The following TMEM135 variants were observed in gnomAD, a reference collection of about 807,000 sequenced individuals.
The protein encoded by TMEM135 is peroxisomal membrane protein 52.
In TMEM135, 30 loss-of-function variants were observed where a neutral mutation model predicts 60.3. The ratio of observed to expected loss-of-function variants is 0.50; its 90% CI spans 0.37 to 0.68. TMEM135 has a LOEUF of 0.68. TMEM135 is among the 30% of genes least tolerant of loss of function. The pLI, the probability that TMEM135 is intolerant of heterozygous loss-of-function variation, is 0.00. For missense variants in TMEM135, 468 were observed against 548.8 expected (o/e 0.85, Z 1.47); for synonymous variants, 190 against 186.7 (o/e 1.02, Z -0.14).
At chr11:87,054,791 G>T (rs1949876664) in intron 1 of TMEM135, among the ~76,000 whole-genome samples, 1 of 152,006 alleles carries the variant, frequency 6.6e-6, no homozygotes, top group African/African-American at 2.4e-5. Flanking sequence ...ATACACATGG[G>T]ACAATTTTTT....
chr11:87,232,111 T>C (rs1434182657), intron 5 of TMEM135, among the ~76,000 whole-genome samples: 3 of 152,046 alleles, frequency 2.0e-5, no homozygotes, highest in Non-Finnish European at 2.9e-5. Context: ...CCATTATGAC[T>C]GACTAATTTT....
At chr11:87,247,549 C>G (rs1941312116) in intron 6 of TMEM135, among the ~76,000 whole-genome samples, 2 of 152,278 alleles carry the variant, frequency 1.3e-5, no homozygotes, top group Middle Eastern at 3.4e-3. Context: ...CTAAGCAAGC[C>G]TGGGCAATGG....
intron 10 of TMEM135, among the ~76,000 whole-genome samples, chr11:87,312,549 G>T (rs1485649240): frequency 1.3e-5 from 2 of 151,828 alleles, no homozygotes; most frequent in South Asian, 2.1e-4. Context: ...TGACCATATG[G>T]TCTCTGTCAT....
chr11:87,070,965 T>C (rs1189665994), intron 2 of TMEM135, among the ~76,000 whole-genome samples: 2 of 152,162 alleles, frequency 1.3e-5, no homozygotes, highest in Non-Finnish European at 2.9e-5. Context: ...CTGGGAAATA[T>C]CTCATATAGT....
chr11:87,228,585 A>G (rs1940817750), intron 5 of TMEM135, among the ~76,000 whole-genome samples: 1 of 152,144 alleles, frequency 6.6e-6, no homozygotes, highest in Admixed American at 6.6e-5. Flanking sequence ...TGAATAGTGA[A>G]GGCTAGCTAG....
At chr11:87,268,001 G>A (rs79814199) in intron 6 of TMEM135, among the ~76,000 whole-genome samples, 4,068 of 150,980 alleles carry the variant, frequency 0.027, 69 homozygotes, top group Admixed American at 0.041. Flanking sequence ...CATGATCAGT[G>A]TTCTTATTTC....
At chr11:87,204,642 G>A (rs1462325750) in intron 5 of TMEM135, among the ~76,000 whole-genome samples, 2 of 152,094 alleles carry the variant, frequency 1.3e-5, no homozygotes, top group Non-Finnish European at 1.5e-5. Flanking sequence ...AAACTCATAA[G>A]GAAGAGGAAA....
chr11:87,271,267 C>CTACA (rs1402564568), intron 6 of TMEM135, among the ~76,000 whole-genome samples: 1 of 152,142 alleles, frequency 6.6e-6, no homozygotes, highest in Non-Finnish European at 1.5e-5. Flanking sequence ...CCCCCAAGAG[C>CTACA]TACAGTATGG....
intron 4 of TMEM135, chr11:87,095,686 G>A (rs1296766747): frequency 5.9e-6 from 1 of 168,970 alleles, no homozygotes; most frequent in African/African-American, 2.4e-5. Context: ...TATTTTAAAA[G>A]TAAATGCCGG....
intron 4 of TMEM135, among the ~76,000 whole-genome samples, chr11:87,141,043 CTTT>C (rs35634960): frequency 1.4e-5 from 2 of 146,052 alleles, no homozygotes. Flanking sequence ...CAACTTTGTT[CTTT>C]TTTTTTTTTT....
intron 3 of TMEM135, among the ~76,000 whole-genome samples, chr11:87,079,459 T>A (rs1444828454): frequency 6.6e-6 from 1 of 152,176 alleles, no homozygotes; most frequent in Non-Finnish European, 1.5e-5. Flanking sequence ...TATAGTAGAT[T>A]TTTTTGTGTT....
At chr11:87,192,815 T>C (rs1591092014) in intron 5 of TMEM135, among the ~76,000 whole-genome samples, 1 of 152,290 alleles carries the variant, frequency 6.6e-6, no homozygotes, top group East Asian at 1.9e-4. Flanking sequence ...TATACTGCTT[T>C]TAATAAATAT....
At chr11:87,140,294 C>G (rs950970957) in intron 4 of TMEM135, among the ~76,000 whole-genome samples, 2 of 152,120 alleles carry the variant, frequency 1.3e-5, no homozygotes, top group African/African-American at 4.8e-5. Flanking sequence ...GTCTCGATCT[C>G]CTGACCTCGT....
At chr11:87,081,248 G>T (rs965072798) in intron 3 of TMEM135, among the ~76,000 whole-genome samples, 1 of 151,142 alleles carries the variant, frequency 6.6e-6, no homozygotes, top group Non-Finnish European at 1.5e-5. Flanking sequence ...TTTATTATTT[G>T]TTTTCTGCTT....
chr11:87,181,454 T>C (rs1939513334), intron 5 of TMEM135, among the ~76,000 whole-genome samples: 1 of 152,178 alleles, frequency 6.6e-6, no homozygotes, highest in Non-Finnish European at 1.5e-5. Flanking sequence ...GAAAGACACA[T>C]TTACAGATTC....
chr11:87,280,945 G>T (rs937657490), intron 6 of TMEM135, among the ~76,000 whole-genome samples: 1 of 152,130 alleles, frequency 6.6e-6, no homozygotes, highest in African/African-American at 2.4e-5. Flanking sequence ...CTGCCTTTTG[G>T]ATTTGATAAA....
intron 7 of TMEM135, among the ~76,000 whole-genome samples, chr11:87,296,211 A>G (rs1015336141): frequency 1.3e-5 from 2 of 152,194 alleles, no homozygotes; most frequent in East Asian, 1.9e-4. Flanking sequence ...TCAAACACAG[A>G]TTCGATTTTA....
chr11:87,242,423 C>T (rs1415222385), intron 6 of TMEM135, among the ~76,000 whole-genome samples: 8 of 122,432 alleles, frequency 6.5e-5, no homozygotes, highest in Non-Finnish European at 1.3e-4. Context: ...TGAGGAATCG[C>T]CACACTGACT....
chr11:87,174,719 A>C (rs1023427346), intron 5 of TMEM135, among the ~76,000 whole-genome samples: 1 of 152,174 alleles, frequency 6.6e-6, no homozygotes, highest in Non-Finnish European at 1.5e-5. Context: ...CTGTGACTTT[A>C]AGTGAAATGG....
Sources: gnomAD v4.1 joint callset for allele counts (sites outside exome capture counted in the v4.1 genomes callset) on GRCh38, gnomAD v4.1.1 for gene constraint, MANE v1.5 for transcripts, NCBI Gene and HGNC (gene_info 2026-07-23, HGNC 2026-07-21) for gene names.